SOX5: variants seen among roughly 807,000 people sequenced by gnomAD.
SOX5 encodes SRY-box transcription factor 5, also known as transcription factor SOX-5.
In SOX5, 9 loss-of-function variants were observed where a neutral mutation model predicts 92.0. That is an observed-to-expected ratio of 0.10 (90% confidence interval 0.06 to 0.17). The LOEUF is 0.17. Ranked by LOEUF, SOX5 falls within the 10% of genes least tolerant of loss-of-function variation. SOX5 has a pLI of 1.00. For synonymous variants in SOX5, 344 were observed against 336.3 expected (o/e 1.02, Z -0.25); for missense variants, 642 against 944.5 (o/e 0.68, Z 4.20).
At chr12:23,741,556 G>A (rs1593907351) in intron 4 of SOX5, among the ~76,000 whole-genome samples, 1 of 152,010 alleles carries the variant, frequency 6.6e-6, no homozygotes, top group Admixed American at 6.6e-5. Flanking sequence ...CAAGGCATTA[G>A]TATTAGTGAT....
intron 1 of SOX5, among the ~76,000 whole-genome samples, chr12:24,395,840 T>C (rs1959800761): frequency 6.6e-6 from 1 of 152,226 alleles, no homozygotes; most frequent in African/African-American, 2.4e-5. Flanking sequence ...TCCTGGGTAC[T>C]GCTAGCAGTG....
chr12:24,208,678 G>T (rs1958272681), intron 4 of SOX5, among the ~76,000 whole-genome samples: 1 of 152,112 alleles, frequency 6.6e-6, no homozygotes, highest in Non-Finnish European at 1.5e-5. Flanking sequence ...TATTCATTTG[G>T]CTACAGCTCT....
intron 1 of SOX5, among the ~76,000 whole-genome samples, chr12:24,429,153 T>C (rs1019749735): frequency 6.6e-6 from 1 of 151,694 alleles, no homozygotes; most frequent in African/African-American, 2.4e-5. Flanking sequence ...CTGTCTCTAC[T>C]AAAAATACAA....
intron 8 of SOX5, among the ~76,000 whole-genome samples, chr12:23,610,106 G>A (rs2075772128): frequency 6.6e-6 from 1 of 152,042 alleles, no homozygotes; most frequent in Non-Finnish European, 1.5e-5. Flanking sequence ...TTTATGCTAT[G>A]GTTAGAATCA....
rs1425005351 is a variant in SOX5 at position 23,923,068 on chromosome 12, C to T, written c.38+26496G>A. Among the ~76,000 whole-genome samples, 3 of 152,042 alleles carry T rather than the reference C, an allele frequency of 2.0e-5. No individual in the cohort carries two copies. The South Asian group carries it at 6.2e-4, about 32-fold the overall frequency. On this transcript the variant is annotated intron_variant, in intron 1 of 14. Coordinates refer to ENST00000451604, the MANE Select transcript of SOX5 (RefSeq NM_006940.6). ...TCCCGCCATTCTCCTGCCTCAGCCT[C>T]CCGAGTAGCTGGGACTACAGGCGCC...
intron 2 of SOX5, among the ~76,000 whole-genome samples, chr12:23,884,758 C>G (rs1694078716): frequency 6.6e-6 from 1 of 152,124 alleles, no homozygotes; most frequent in African/African-American, 2.4e-5. Flanking sequence ...AGAATGTTTT[C>G]CATCTGTAAA....
At chr12:24,263,364 A>G (rs1236001938) in intron 3 of SOX5, among the ~76,000 whole-genome samples, 1 of 151,890 alleles carries the variant, frequency 6.6e-6, no homozygotes, top group Non-Finnish European at 1.5e-5. Context: ...CGTCTCTACT[A>G]AAAACACAAA....
intron 2 of SOX5, among the ~76,000 whole-genome samples, chr12:24,324,498 T>A (rs10842325): frequency 0.25 from 37,763 of 151,850 alleles, 5,523 homozygotes; most frequent in Admixed American, 0.33. Flanking sequence ...TTTTTTTTTT[T>A]AAACAAAGAA....
intron 4 of SOX5, among the ~76,000 whole-genome samples, chr12:24,055,608 G>T (rs189522988): frequency 6.6e-6 from 1 of 151,964 alleles, no homozygotes; most frequent in East Asian, 1.9e-4. Flanking sequence ...ACACCAAAAG[G>T]GTTCTTAGAA....
intron 14 of SOX5, among the ~76,000 whole-genome samples, 182 bp from the exon 15 acceptor site, chr12:23,534,704 CTTTTTT>C (rs60460683): frequency 3.7e-5 from 4 of 108,830 alleles, no homozygotes; most frequent in African/African-American, 6.8e-5. Context: ...CTTTTCTTTT[CTTTTTT>C]TTTTTTTTTT....
At chr12:23,837,264 A>ATATACAATATATATTTATATTTATATT in intron 3 of SOX5, among the ~76,000 whole-genome samples, 1 of 75,212 alleles carries the variant, frequency 1.3e-5, no homozygotes, top group Non-Finnish European at 3.2e-5. Flanking sequence ...TATTTATATA[A>ATATACAATATATATTTATATTTATATT]TATATAATAT....
chr12:23,658,899 A>AT (rs1566780545), intron 7 of SOX5, among the ~76,000 whole-genome samples: 1 of 152,230 alleles, frequency 6.6e-6, no homozygotes, highest in African/African-American at 2.4e-5. Flanking sequence ...TCTCAAAAAA[A>AT]TAAAAAATAA....
At chr12:24,197,017 G>T (rs1594160650) in intron 4 of SOX5, among the ~76,000 whole-genome samples, 1 of 152,302 alleles carries the variant, frequency 6.6e-6, no homozygotes, top group East Asian at 1.9e-4. Flanking sequence ...ATAACATTCT[G>T]ATTGACAATT....
chr12:23,851,003 A>T (rs1043294060), intron 2 of SOX5, among the ~76,000 whole-genome samples: 9 of 152,160 alleles, frequency 5.9e-5, no homozygotes, highest in Non-Finnish European at 1.3e-4. Flanking sequence ...CCTGACCTAA[A>T]TATATACCTT....
Position 24,285,044 on chromosome 12 carries a change from G to A in SOX5, c.-173-7732C>T, listed in dbSNP as rs551934086. The stretch of plus-strand genomic sequence containing the variant: ...GGATGCTGAGGCAGGAGAATCGCTT[G>A]AACCCTTGAACCCGGGAGGTGGAGG... On this transcript the variant is annotated intron_variant, in intron 2 of 4. Transcript: ENST00000446891. Among the ~76,000 whole-genome samples, 7 of 152,110 alleles carry A rather than the reference G, an allele frequency of 4.6e-5. No individual in the cohort carries two copies. The East Asian group carries it at 1.4e-3, about 29-fold the overall frequency.
chr12:23,705,459 CT>C (rs901239083), intron 6 of SOX5, among the ~76,000 whole-genome samples: 3 of 151,864 alleles, frequency 2.0e-5, no homozygotes, highest in Non-Finnish European at 4.4e-5. Context: ...CACCCTTTAT[CT>C]TTCTAATGTT....
chr12:23,693,820 A>G (rs2089328916), intron 6 of SOX5, among the ~76,000 whole-genome samples: 1 of 152,206 alleles, frequency 6.6e-6, no homozygotes, highest in Admixed American at 6.5e-5. Context: ...ATTATAAACT[A>G]TGCTTATTTT....
At chr12:23,762,652 T>C in intron 3 of SOX5, 1 of 486,896 alleles carries the variant, frequency 2.1e-6, no homozygotes, top group South Asian at 3.7e-5. Flanking sequence ...AGTTTTACAA[T>C]TTTTAATGTG....
At chr12:24,350,158 G>A (rs1198072931) in intron 2 of SOX5, among the ~76,000 whole-genome samples, 1 of 152,118 alleles carries the variant, frequency 6.6e-6, no homozygotes, top group East Asian at 1.9e-4. Context: ...CCTATTCATT[G>A]AGCACTGACT....
Sources: gnomAD v4.1 joint callset for allele counts (sites outside exome capture counted in the v4.1 genomes callset) on GRCh38, gnomAD v4.1.1 for gene constraint, MANE v1.5 for transcripts, NCBI Gene and HGNC (gene_info 2026-07-23, HGNC 2026-07-21) for gene names.